Variants in PRKCE observed in about 807,000 individuals in gnomAD.
PRKCE encodes the protein protein kinase C epsilon type.
A neutral mutation model predicts 85.4 loss-of-function variants in PRKCE; 16 were observed. The observed-to-expected ratio is 0.19, with a 90% CI of 0.13 to 0.28. PRKCE has a LOEUF of 0.28. Among genes scored for constraint, PRKCE ranks in the 10% least tolerant of loss-of-function variants. The pLI is 1.00. For missense variants in PRKCE, 573 were observed against 975.2 expected (o/e 0.59, Z 5.49); for synonymous variants, 388 against 371.5 (o/e 1.04, Z -0.51).
chr2:45,999,700 T>G (rs1013298681), intron 6 of PRKCE, among the ~76,000 whole-genome samples: 5 of 152,182 alleles, frequency 3.3e-5, no homozygotes, highest in African/African-American at 1.2e-4. Flanking sequence ...TAATATTTTT[T>G]TCTGTTCCTT....
At chr2:45,678,014 C>A (rs1046301490) in intron 1 of PRKCE, 2 of 534,358 alleles carry the variant, frequency 3.7e-6, no homozygotes, top group African/African-American at 2.1e-5. Context: ...TTTTAGAACC[C>A]AATCGAAGAA....
At chr2:45,839,098 G>A (rs1573559721) in intron 1 of PRKCE, among the ~76,000 whole-genome samples, 1 of 151,468 alleles carries the variant, frequency 6.6e-6, no homozygotes, top group Non-Finnish European at 1.5e-5. Context: ...TACCCACCAC[G>A]TGCAGAGTGT....
rs898732840 is a variant in PRKCE, at chr2:46,096,710, C to T, written c.1592+10348C>T. On this transcript the variant is annotated intron_variant, in intron 11 of 14. Transcript: ENST00000306156. ...GCAAGAAAATAAATTCCTGTTAAGT[C>T]GCTCAATCTGTAGTTTTTTGTTATG... is the stretch of plus-strand genomic sequence containing the variant. Among the ~76,000 whole-genome samples, 8 of 152,140 alleles carry T rather than the reference C, an allele frequency of 5.3e-5. No individual in the cohort carries two copies. In the South Asian group the frequency reaches 6.2e-4, roughly 12 times the overall value.
intron 8 of PRKCE, among the ~76,000 whole-genome samples, chr2:46,006,560 A>G (rs1269195534): frequency 6.6e-6 from 1 of 152,244 alleles, no homozygotes; most frequent in Non-Finnish European, 1.5e-5. Context: ...AAGGGTTAAT[A>G]GGCTATGTTC....
chr2:45,711,398 G>C (rs1346333114), intron 1 of PRKCE, among the ~76,000 whole-genome samples: 1 of 152,156 alleles, frequency 6.6e-6, no homozygotes, highest in African/African-American at 2.4e-5. Context: ...CCTATGACCT[G>C]GGTGACCTGG....
intron 10 of PRKCE, among the ~76,000 whole-genome samples, chr2:46,026,709 A>G (rs1282917760): frequency 6.6e-6 from 1 of 152,096 alleles, no homozygotes; most frequent in East Asian, 1.9e-4. Context: ...AGTAAATGAG[A>G]CCCCTTAAAC....
rs1574620194 is a variant in PRKCE, at chr2:46,155,296, C to T, written c.1920+4067C>T. Among the ~76,000 whole-genome samples, 1 of 152,306 alleles carries T rather than the reference C, an allele frequency of 6.6e-6. No individual in the cohort carries two copies. Among genetic ancestry groups the T allele is most frequent in the East Asian group, 1.9e-4 (1 of 5,190 alleles). ...CCAAGGAAAACTTTGACCTGGGTGC[C>T]TCTTGGGTGAATCTTTGATGGACCC... is the stretch of plus-strand genomic sequence containing the variant. On this transcript the variant is annotated intron_variant, in intron 13 of 14. Transcript: ENST00000306156. The surrounding 1 kb of genome is among the most constrained non-coding windows in gnomAD (Gnocchi z 4.7).
chr2:46,133,570 C>A lies in PRKCE; in HGVS notation c.1593-11523C>A, dbSNP rs534407644. ...TATATCAGTGATTGTAATCATGCTG[C>A]CAATTTGATGGACGCTAAAATGGAC... is the stretch of plus-strand genomic sequence containing the variant. On this transcript the variant is annotated intron_variant, in intron 11 of 14. Transcript: ENST00000306156. 2.0e-5 allele frequency among the ~76,000 whole-genome samples: 3 copies of A among 152,276 alleles called. No homozygotes were observed. In the East Asian group the frequency reaches 5.8e-4, roughly 29 times the overall value.
intron 2 of PRKCE, 144 bp from the exon 3 acceptor site, chr2:45,976,285 C>T: frequency 1.1e-6 from 1 of 909,606 alleles, no homozygotes; most frequent in Non-Finnish European, 1.7e-6. Context: ...TCCTCAGACC[C>T]CCGAGTCCCT....
intron 14 of PRKCE, among the ~76,000 whole-genome samples, chr2:46,160,815 T>C (rs982174269): frequency 1.3e-5 from 2 of 152,166 alleles, no homozygotes; most frequent in African/African-American, 4.8e-5. Flanking sequence ...GGGGAGCCGT[T>C]ATTGACAATG....
intron 2 of PRKCE, 127 bp from the exon 3 acceptor site, chr2:45,976,302 A>G: frequency 8.9e-7 from 1 of 1,127,220 alleles, no homozygotes. Flanking sequence ...CCCTCCACAC[A>G]CAAAGGCTAC....
chr2:45,771,527 A>C (rs1008311871), intron 1 of PRKCE, among the ~76,000 whole-genome samples: 1 of 152,012 alleles, frequency 6.6e-6, no homozygotes. Context: ...CAGGCACAAC[A>C]CAGCACACAC....
intron 11 of PRKCE, among the ~76,000 whole-genome samples, chr2:46,114,351 T>A (rs1456736206): frequency 6.6e-6 from 1 of 151,040 alleles, no homozygotes; most frequent in Non-Finnish European, 1.5e-5. Context: ...TCCCAGAGAT[T>A]GGGCATTGCC....
At chr2:45,949,440 C>G (rs548149347) in intron 2 of PRKCE, among the ~76,000 whole-genome samples, 27 of 58,104 alleles carry the variant, frequency 4.6e-4, no homozygotes, top group African/African-American at 1.7e-3. Flanking sequence ...TTTTTTTTTC[C>G]TTGAGGGTAG....
At chr2:46,009,212 G>T (rs567787520) in intron 9 of PRKCE, among the ~76,000 whole-genome samples, 1 of 152,170 alleles carries the variant, frequency 6.6e-6, no homozygotes, top group South Asian at 2.1e-4. Context: ...GGCAAACAAG[G>T]ACAGATTCAA....
intron 10 of PRKCE, among the ~76,000 whole-genome samples, chr2:46,081,093 GC>G (rs1224370782): frequency 6.6e-6 from 1 of 152,086 alleles, no homozygotes; most frequent in Non-Finnish European, 1.5e-5. Flanking sequence ...CTGGGCTCAA[GC>G]AACCCTCCCA....
intron 10 of PRKCE, among the ~76,000 whole-genome samples, chr2:46,055,637 A>G (rs1666505683): frequency 6.6e-6 from 1 of 151,900 alleles, no homozygotes; most frequent in Admixed American, 6.6e-5. Context: ...TCAGTCCTGG[A>G]TCTGCCCTTT....
At chr2:46,116,427 C>G (rs1194629575) in intron 11 of PRKCE, among the ~76,000 whole-genome samples, 1 of 152,204 alleles carries the variant, frequency 6.6e-6, no homozygotes, top group East Asian at 1.9e-4. Flanking sequence ...TGCTTTCATC[C>G]TAGTTTCAAA....
At chr2:45,808,053 T>C (rs1688376886) in intron 1 of PRKCE, among the ~76,000 whole-genome samples, 1 of 152,142 alleles carries the variant, frequency 6.6e-6, no homozygotes, top group South Asian at 2.1e-4. Flanking sequence ...GCTCCCAGAC[T>C]GTTGCTGATC....
Sources: gnomAD v4.1 joint callset for allele counts (sites outside exome capture counted in the v4.1 genomes callset) on GRCh38, gnomAD v4.1.1 for gene constraint, Gnocchi (gnomAD v3.1) non-coding constraint, MANE v1.5 for transcripts, NCBI Gene and HGNC (gene_info 2026-07-23, HGNC 2026-07-21) for gene names.